The following ROBO2 variants were observed in gnomAD, a reference collection of about 807,000 sequenced individuals.
ROBO2 encodes the protein roundabout guidance receptor 2, also known as roundabout homolog 2.
ROBO2 carries 53 observed loss-of-function variants against 160.8 expected under a neutral mutation model. The observed-to-expected ratio is 0.33, with a 90% CI of 0.26 to 0.41. The LOEUF is 0.41. Among genes scored for constraint, ROBO2 ranks in the 10% least tolerant of loss-of-function variants. The pLI, the probability that ROBO2 is intolerant of heterozygous loss-of-function variation, is 1.00. For synonymous variants in ROBO2, 664 were observed against 611.7 expected (o/e 1.09, Z -1.26); for missense variants, 1,577 against 1,722.4 (o/e 0.92, Z 1.49).
intron 2 of ROBO2, among the ~76,000 whole-genome samples, chr3:77,251,578 G>T (rs139986642): frequency 6.6e-6 from 1 of 152,206 alleles, no homozygotes; most frequent in Non-Finnish European, 1.5e-5. Flanking sequence ...TTAGGAAAGG[G>T]TTGCTTAGCC....
intron 2 of ROBO2, among the ~76,000 whole-genome samples, chr3:77,397,231 T>A (rs1476781169): frequency 6.6e-6 from 1 of 152,142 alleles, no homozygotes; most frequent in African/African-American, 2.4e-5. Context: ...AGACTGATCA[T>A]GGCTTGTTCA....
chr3:76,910,320 T>A (rs2148924766), intron 2 of ROBO2, among the ~76,000 whole-genome samples: 1 of 152,340 alleles, frequency 6.6e-6, no homozygotes. Context: ...CTGTTGATTT[T>A]GCTAAACACG....
chr3:76,069,154 A>G (rs534427250), intron 2 of ROBO2, among the ~76,000 whole-genome samples: 5 of 152,300 alleles, frequency 3.3e-5, no homozygotes, highest in East Asian at 1.9e-4. Context: ...GGAATTGTAC[A>G]TTGAGCCACC....
intron 2 of ROBO2, among the ~76,000 whole-genome samples, chr3:77,034,150 G>A (rs1247479337): frequency 1.3e-5 from 2 of 151,720 alleles, no homozygotes; most frequent in African/African-American, 2.4e-5. Flanking sequence ...AAGAGAGAGA[G>A]CAATGTCTTA....
At chr3:77,326,268 G>A (rs764595943) in intron 2 of ROBO2, among the ~76,000 whole-genome samples, 1 of 152,170 alleles carries the variant, frequency 6.6e-6, no homozygotes, top group Non-Finnish European at 1.5e-5. Flanking sequence ...GTGAGTAAAT[G>A]TGGGGAATTT....
intron 2 of ROBO2, among the ~76,000 whole-genome samples, chr3:77,395,258 C>A (rs1302837757): frequency 2.6e-5 from 4 of 152,122 alleles, no homozygotes; most frequent in African/African-American, 9.7e-5. Flanking sequence ...CCTTTAAAAA[C>A]CACAGCTGTT....
At chr3:76,793,052 A>C (rs926166980) in intron 2 of ROBO2, among the ~76,000 whole-genome samples, 5 of 151,770 alleles carry the variant, frequency 3.3e-5, no homozygotes, top group African/African-American at 1.2e-4. Flanking sequence ...TAGAAACAAA[A>C]ATGCGATTCC....
chr3:76,301,284 C>T (rs937674552), intron 2 of ROBO2, among the ~76,000 whole-genome samples: 18 of 151,698 alleles, frequency 1.2e-4, no homozygotes, highest in African/African-American at 3.6e-4. Flanking sequence ...AGAATCATTT[C>T]GATGAAGAAA....
At chr3:76,006,863 G>T (rs11128499) in intron 2 of ROBO2, among the ~76,000 whole-genome samples, 16,572 of 151,764 alleles carry the variant, frequency 0.11, 1,147 homozygotes, top group Non-Finnish European at 0.15. Context: ...TATTTTAATG[G>T]AAAATAAAAA....
intron 2 of ROBO2, among the ~76,000 whole-genome samples, chr3:76,297,807 T>C (rs1709155329): frequency 6.7e-6 from 1 of 150,138 alleles, no homozygotes; most frequent in Admixed American, 6.7e-5. Context: ...AATGAAGAAG[T>C]GTGTTTAGAA....
chr3:77,550,976 G>A (rs774937396), exon 8 of ROBO2: 2 of 1,612,714 alleles, frequency 1.2e-6, no homozygotes, highest in Non-Finnish European at 1.7e-6. Context: ...AAGCTCAACT[G>A]GAGGTTACTG....
intron 2 of ROBO2, among the ~76,000 whole-genome samples, chr3:76,288,865 C>T (rs755285657): frequency 1.3e-5 from 2 of 152,084 alleles, no homozygotes; most frequent in Non-Finnish European, 2.9e-5. Context: ...TATATCTGTA[C>T]CATATAATAT....
chr3:77,473,327 G>A (rs538496749), intron 2 of ROBO2, among the ~76,000 whole-genome samples: 14 of 151,870 alleles, frequency 9.2e-5, no homozygotes, highest in Admixed American at 6.6e-5. Context: ...GAGCCTCCGT[G>A]TTGAATAGAC....
chr3:77,003,583 CAG>C (rs1390272310), intron 2 of ROBO2, among the ~76,000 whole-genome samples: 3 of 152,092 alleles, frequency 2.0e-5, no homozygotes, highest in Admixed American at 6.5e-5. Context: ...TTTTTTGAGA[CAG>C]AGTCTCACTC....
intron 2 of ROBO2, among the ~76,000 whole-genome samples, chr3:76,710,851 G>C (rs962634827): frequency 1.3e-5 from 2 of 152,148 alleles, no homozygotes; most frequent in Non-Finnish European, 2.9e-5. Flanking sequence ...CCTCAGACAG[G>C]ATGATGCGAT....
intron 2 of ROBO2, among the ~76,000 whole-genome samples, chr3:77,302,474 G>A (rs1037999693): frequency 6.6e-6 from 1 of 151,882 alleles, no homozygotes; most frequent in Admixed American, 6.6e-5. Context: ...ACAATTATGG[G>A]CCATACTAGC....
intron 1 of ROBO2, among the ~76,000 whole-genome samples, chr3:75,922,260 G>A (rs1947091424): frequency 6.6e-6 from 1 of 152,070 alleles, no homozygotes; most frequent in African/African-American, 2.4e-5. Flanking sequence ...CAGAGTGGAT[G>A]TCAAATACAC....
At chr3:76,625,751 G>T (rs1252455679) in intron 2 of ROBO2, among the ~76,000 whole-genome samples, 9 of 152,274 alleles carry the variant, frequency 5.9e-5, no homozygotes, top group African/African-American at 1.4e-4. Flanking sequence ...AGCAGGAAGC[G>T]CAACGTTGTG....
At chr3:77,009,558 C>A (rs1467799949) in intron 2 of ROBO2, among the ~76,000 whole-genome samples, 1 of 152,108 alleles carries the variant, frequency 6.6e-6, no homozygotes, top group Non-Finnish European at 1.5e-5. Context: ...CACAGCTGGT[C>A]TTCATAATTT....
Sources: allele counts gnomAD v4.1 joint callset (sites outside exome capture counted in the v4.1 genomes callset), GRCh38; gene constraint gnomAD v4.1.1; transcripts MANE v1.5; gene names NCBI Gene and HGNC (gene_info 2026-07-23, HGNC 2026-07-21).